PHLDB2: variants seen among roughly 807,000 people sequenced by gnomAD.
The protein encoded by PHLDB2 is pleckstrin homology like domain family B member 2.
Under a neutral mutation model 123.6 loss-of-function variants are expected in PHLDB2, and 71 were observed. The ratio of observed to expected loss-of-function variants is 0.57; its 90% CI spans 0.47 to 0.70. The LOEUF (loss-of-function observed/expected upper bound fraction) is 0.70, where lower values mean the gene tolerates loss of function less well. Among genes scored for constraint, PHLDB2 ranks in the 30% least tolerant of loss-of-function variants. The pLI is 0.00. For missense variants in PHLDB2, 1,446 were observed against 1,519.5 expected (o/e 0.95, Z 0.80); for synonymous variants, 547 against 541.6 (o/e 1.01, Z -0.14).
At position 111,969,761 on chromosome 3, in the gene PHLDB2, T is replaced by C. The variant is rs756783458; in HGVS notation, c.3387T>C (p.Ala1129=). 8.1e-6 allele frequency: 13 copies of C among 1,614,088 alleles called. No homozygotes were observed. In the Admixed American group the frequency reaches 2.2e-4, roughly 27 times the overall value. The part of the protein sequence containing the change: ...DFDLRSHVET[A]GHNIDTCYHV... ...ATTTGCGGAGCCATGTAGAGACTGCTGGCCACAATATTGACACCTGTTACC... is the reference window on the plus strand; with the variant it reads ...ATTTGCGGAGCCATGTAGAGACTGCCGGCCACAATATTGACACCTGTTACC... Residue 1129 remains alanine (A), a synonymous_variant, in exon 16 of 18, where the codon GCT becomes GCC. Transcript: ENST00000431670.
upstream of PHLDB2, among the ~76,000 whole-genome samples, chr3:111,857,772 T>G (rs896750769): frequency 1.3e-5 from 2 of 152,148 alleles, no homozygotes; most frequent in African/African-American, 4.8e-5. Context: ...TCACGCCAGT[T>G]AGAATGGCAA....
intron 13 of PHLDB2, among the ~76,000 whole-genome samples, chr3:111,964,797 C>T (rs1323785440): frequency 6.6e-6 from 1 of 151,768 alleles, no homozygotes; most frequent in Non-Finnish European, 1.5e-5. Context: ...AAATGGTAAA[C>T]AGTGAAATCT....
chr3:111,802,235 T>C (rs1280678595), intron 1 of PHLDB2, among the ~76,000 whole-genome samples: 1 of 152,182 alleles, frequency 6.6e-6, no homozygotes, highest in Admixed American at 6.5e-5. Context: ...AGCACTGTGC[T>C]TACATACAAG....
At chr3:111,766,986 G>A (rs927218893) in intron 1 of PHLDB2, among the ~76,000 whole-genome samples, 27 of 124,430 alleles carry the variant, frequency 2.2e-4, no homozygotes, top group African/African-American at 7.9e-4. Flanking sequence ...AGCCGAGATT[G>A]TGCCATTGCA....
intron 2 of PHLDB2, among the ~76,000 whole-genome samples, chr3:111,909,790 A>AC (rs1445149989): frequency 1.3e-5 from 2 of 151,598 alleles, no homozygotes; most frequent in South Asian, 2.1e-4. Flanking sequence ...AAAAAAAAAA[A>AC]TCCCATTTCA....
At chr3:111,919,586 A>T (rs779670245) in intron 4 of PHLDB2, among the ~76,000 whole-genome samples, 6 of 152,244 alleles carry the variant, frequency 3.9e-5, no homozygotes, top group Non-Finnish European at 7.3e-5. Flanking sequence ...CTTTACTATG[A>T]GTTGGATATC....
intron 1 of PHLDB2, among the ~76,000 whole-genome samples, chr3:111,739,102 A>G (rs750830443): frequency 7.2e-5 from 11 of 152,246 alleles, no homozygotes; most frequent in Non-Finnish European, 1.3e-4. Flanking sequence ...AAAAACTAGA[A>G]AAGTTTACTT....
chr3:111,759,559 G>GTGTA (rs1330560482), intron 1 of PHLDB2, among the ~76,000 whole-genome samples: 1 of 152,160 alleles, frequency 6.6e-6, no homozygotes, highest in Non-Finnish European at 1.5e-5. Context: ...TCCCGTGTGT[G>GTGTA]TGTATGCATG....
chr3:111,884,517 C>G lies in PHLDB2; in HGVS notation c.440C>G (p.Pro147Arg), dbSNP rs774585402. The G allele has an allele frequency of 1.2e-6, 2 of 1,614,124 alleles. No homozygotes were observed. The highest frequency in any genetic ancestry group is 2.2e-5 in the East Asian group (1 of 44,874). ...GCCTTGAGGCTCTCAGAGAAGCCTC[C>G]CTATTCCAAATATAGCTCAAGGCAT... ...ERALRLSEKP[P>R]YSKYSSRHKS... Residue 147 changes from proline (P) to arginine (R), a missense_variant, in exon 2 of 18, where the codon CCC becomes CGC. Physicochemically the swap from Pro to Arg is moderately radical, Grantham distance 103 (BLOSUM62 -2). Around this residue, in one of 3 missense-constraint regions of PHLDB2, gnomAD observed 832 missense variants for 831.9 expected, o/e 1.00. Coordinates refer to ENST00000431670, the MANE Select transcript of PHLDB2 (RefSeq NM_001134438.2).
chr3:111,784,343 T>C (rs1289533722), intron 1 of PHLDB2, among the ~76,000 whole-genome samples: 1 of 152,184 alleles, frequency 6.6e-6, no homozygotes, highest in Admixed American at 6.5e-5. Flanking sequence ...CTGAGCTCAT[T>C]GGAAGCTTGC....
upstream of PHLDB2, among the ~76,000 whole-genome samples, chr3:111,858,900 G>C (rs2064642540): frequency 6.6e-6 from 1 of 152,178 alleles, no homozygotes. Context: ...CTCATTCGTT[G>C]ACTTCCAATA....
At chr3:111,762,260 A>G (rs2108016145) in intron 1 of PHLDB2, among the ~76,000 whole-genome samples, 1 of 152,366 alleles carries the variant, frequency 6.6e-6, no homozygotes, top group East Asian at 1.9e-4. Flanking sequence ...AGTTTAAAGA[A>G]GATAATGTTT....
chr3:111,828,033 T>C (rs2062751325), intron 1 of PHLDB2, among the ~76,000 whole-genome samples: 1 of 152,210 alleles, frequency 6.6e-6, no homozygotes, highest in Admixed American at 6.5e-5. Context: ...TTAGGTAGAC[T>C]AACAGCTATT....
rs1376816688 is a variant in PHLDB2 at position 111,889,146 on chromosome 3, GAC to G, written c.1335+3736_1335+3737del. On this transcript the variant is annotated intron_variant, in intron 2 of 17. Transcript: ENST00000431670. Reference sequence around the variant, plus strand: ...TTATGTTTTTAGCAAACTAATATAAGACAGTTTAAAAGTTCAGGTAAACTAAT... The same window carrying G: ...TTATGTTTTTAGCAAACTAATATAAGAGTTTAAAAGTTCAGGTAAACTAAT... Among the ~76,000 whole-genome samples the G allele has an allele frequency of 3.3e-5, 5 of 152,218 alleles. 1 individual carries two copies. In the South Asian group the frequency reaches 6.2e-4, roughly 19 times the overall value.
intron 1 of PHLDB2, among the ~76,000 whole-genome samples, chr3:111,752,852 T>C (rs1675341861): frequency 6.7e-6 from 1 of 149,318 alleles, no homozygotes; most frequent in Non-Finnish European, 1.5e-5. Flanking sequence ...CCTGTGTCCA[T>C]GTGTTCTCAT....
intron 2 of PHLDB2, among the ~76,000 whole-genome samples, chr3:111,847,674 G>GGA (rs56083325): frequency 0.71 from 107,491 of 151,708 alleles, 38,302 homozygotes; most frequent in Middle Eastern, 0.85. Flanking sequence ...CATTTCCTTG[G>GGA]GAGAGCCTTA....
At chr3:111,797,873 T>A (rs1192654109) in intron 1 of PHLDB2, among the ~76,000 whole-genome samples, 1 of 152,212 alleles carries the variant, frequency 6.6e-6, no homozygotes, top group East Asian at 1.9e-4. Context: ...GGTTTGCGAC[T>A]GTAATCACAG....
chr3:111,860,584 G>A (rs190726491), intron 1 of PHLDB2, among the ~76,000 whole-genome samples: 68 of 152,320 alleles, frequency 4.5e-4, no homozygotes, highest in African/African-American at 1.6e-3. Flanking sequence ...AGGCTGACAG[G>A]CTGTCCCTCC....
intron 1 of PHLDB2, among the ~76,000 whole-genome samples, chr3:111,759,662 G>A (rs1235939036): frequency 6.6e-6 from 1 of 152,156 alleles, no homozygotes; most frequent in Non-Finnish European, 1.5e-5. Context: ...CTAAAGGCCA[G>A]GTAATTGGAC....
Sources: allele counts gnomAD v4.1 joint callset (sites outside exome capture counted in the v4.1 genomes callset), GRCh38; gene constraint gnomAD v4.1.1; regional missense constraint gnomAD v4.1.1; transcripts MANE v1.5; gene names NCBI Gene and HGNC (gene_info 2026-07-23, HGNC 2026-07-21).